The following RNF19B variants were observed in gnomAD, a reference collection of about 807,000 sequenced individuals.
RNF19B encodes E3 ubiquitin-protein ligase RNF19B.
In RNF19B, 23 loss-of-function variants were observed where a neutral mutation model predicts 65.5. The observed-to-expected ratio is 0.35, with a 90% CI of 0.25 to 0.50. RNF19B has a LOEUF of 0.50. RNF19B is among the 20% of genes least tolerant of loss of function. RNF19B has a pLI of 0.98. For missense variants in RNF19B, 794 were observed against 980.0 expected, an observed-to-expected ratio of 0.81 and a Z score of 2.53; for synonymous variants, 372 against 379.6, an observed-to-expected ratio of 0.98 and a Z score of 0.23.
chr1:32,945,715 G>T, intron 4 of RNF19B, 87 bp from the exon 5 acceptor site: 1 of 724,332 alleles, frequency 1.4e-6, no homozygotes, highest in Non-Finnish European at 2.4e-6. Context: ...ATATTCACTT[G>T]TAAGTTATCT....
Position 32,937,110 on chromosome 1 carries a change from T to G in RNF19B, c.1892A>C (p.Glu631Ala). 1 of 1,614,224 alleles carries G rather than the reference T, an allele frequency of 6.2e-7. No individual in the cohort carries two copies. Among genetic ancestry groups the G allele is most frequent in the East Asian group, 2.2e-5 (1 of 44,890 alleles). ...TTGGTGTCTGCAGGGGGGATCCTCT[T>G]CACTGCCTCCGCCACCACTACCTTC... ...EEEGSGGGGS[E>A]EDPPCRHQSC... Residue 631 changes from glutamate to alanine, a missense_variant, in exon 9 of 9, where the codon GAA becomes GCA. By Grantham distance (107) the Glu-to-Ala change is moderately radical. Transcript: ENST00000235150.
chr1:32,945,574 T>C lies in RNF19B; in HGVS notation c.1201A>G (p.Ile401Val), dbSNP rs200028105. Residue 401 changes from isoleucine to valine, a missense_variant, in exon 5 of 9, where the codon ATC (isoleucine) becomes GTC (valine). Physicochemically the swap from Ile to Val is conservative, Grantham distance 29 (BLOSUM62 3). Coordinates refer to ENST00000235150, the MANE Select transcript of RNF19B (RefSeq NM_001300826.2). ...ACCGACAAAGTCACTCCTCCAGTGA[T>C]AGCCAAATTCCTCTTGTGTTTGGAG... ...KTSKHKRNLAITGGVTLSVIA... is the reference protein window; with the variant it reads ...KTSKHKRNLAVTGGVTLSVIA... 216 of 1,614,034 alleles carry C rather than the reference T, an allele frequency of 1.3e-4. No homozygotes were observed. Among genetic ancestry groups the C allele is most frequent in the African/African-American group, 3.7e-4 (28 of 75,052 alleles).
At chr1:32,946,376 C>CA in intron 4 of RNF19B, 26 bp downstream of exon 4, 2 of 1,607,588 alleles carry the variant, frequency 1.2e-6, no homozygotes, top group Non-Finnish European at 1.7e-6. Context: ...TTGAAACAAG[C>CA]ACAGAAACCA....
At chr1:32,947,855 G>A (rs1642404340) in intron 3 of RNF19B, among the ~76,000 whole-genome samples, 1 of 152,052 alleles carries the variant, frequency 6.6e-6, no homozygotes, top group African/African-American at 2.4e-5. Context: ...GGAAAAAGGA[G>A]AGGCAACATG....
intron 1 of RNF19B, among the ~76,000 whole-genome samples, chr1:32,960,221 GTTA>G (rs1467018835): frequency 6.6e-6 from 1 of 152,122 alleles, no homozygotes; most frequent in Non-Finnish European, 1.5e-5. Flanking sequence ...TGGTGTTCTT[GTTA>G]TTATGAGTAA....
Position 32,964,167 on chromosome 1 carries a change from G to A in RNF19B, c.519C>T (p.His173=). 1.3e-6 allele frequency: 2 copies of A among 1,544,962 alleles called. No individual in the cohort carries two copies. The highest frequency in any genetic ancestry group is 1.7e-6 in the Non-Finnish European group (2 of 1,144,712). ...CPECSERLNP[H]DIRLLLADPP... ...GGTCGGCGAGCAGCAAGCGGATGTC[G>A]TGCGGGTTGAGTCGCTCGCTGCACT... is the stretch of plus-strand genomic sequence containing the variant. Residue 173 remains histidine, a synonymous_variant, in exon 1 of 9, where the codon CAC becomes CAT. Transcript: ENST00000235150. This position sits in a 1 kb window ranked among gnomAD's most constrained non-coding sequence, Gnocchi z 6.5.
At chr1:32,959,692 T>C (rs971947822) in intron 1 of RNF19B, among the ~76,000 whole-genome samples, 18 of 152,136 alleles carry the variant, frequency 1.2e-4, no homozygotes, top group South Asian at 4.1e-4. Flanking sequence ...TTTATCTCAT[T>C]TGACAGCTTG....
intron 6 of RNF19B, 136 bp downstream of exon 6, chr1:32,943,882 TA>T: frequency 2.3e-6 from 2 of 865,734 alleles, no homozygotes; most frequent in South Asian, 1.8e-5. Flanking sequence ...AATGAAAAGC[TA>T]AAAATACTTT....
At chr1:32,944,377 T>C (rs1642315271) in intron 5 of RNF19B, among the ~76,000 whole-genome samples, 2 of 152,228 alleles carry the variant, frequency 1.3e-5, no homozygotes, top group African/African-American at 2.4e-5. Context: ...TGTATAACCT[T>C]GGACCTATCT....
chr1:32,944,882 G>GT (rs1397568618), intron 5 of RNF19B, among the ~76,000 whole-genome samples: 2 of 152,008 alleles, frequency 1.3e-5, no homozygotes, highest in African/African-American at 4.8e-5. Context: ...TAGAGATGGG[G>GT]TTTCACCGTG....
chr1:32,961,261 C>A (rs1642763340), intron 1 of RNF19B, among the ~76,000 whole-genome samples: 1 of 152,194 alleles, frequency 6.6e-6, no homozygotes, highest in African/African-American at 2.4e-5. Flanking sequence ...ACTCTAGTAT[C>A]TTTGGCTTTC....
At position 32,944,175 on chromosome 1, in the gene RNF19B, GA is replaced by G. The variant is rs1557569514; in HGVS notation, c.1262-17del. ...ACACCAATACCTGGGGGAAGAGAAG[GA>G]AACATGTCAGCTGGCTATTAGGTTG... is the stretch of plus-strand genomic sequence containing the variant. On this transcript the variant is annotated splice_polypyrimidine_tract_variant and intron_variant, in intron 5 of 8. Coordinates refer to ENST00000235150, the MANE Select transcript of RNF19B (RefSeq NM_001300826.2). 3 of 1,603,626 alleles carry G rather than the reference GA, an allele frequency of 1.9e-6. No homozygotes were observed. In the Admixed American group the frequency reaches 5.2e-5, roughly 28 times the overall value.
chr1:32,936,111 CT>C (rs1400476705), downstream of RNF19B, among the ~76,000 whole-genome samples: 1 of 152,162 alleles, frequency 6.6e-6, no homozygotes, highest in Non-Finnish European at 1.5e-5. Flanking sequence ...AAGCATATGA[CT>C]ACTAGTGACT....
chr1:32,964,302 A>G lies in RNF19B; in HGVS notation c.384T>C (p.Pro128=). 2.0e-6 allele frequency: 3 copies of G among 1,517,966 alleles called. No individual in the cohort carries two copies. Among genetic ancestry groups the G allele is most frequent in the South Asian group, 1.2e-5 (1 of 81,522 alleles). The allele number at this position is 1,517,966 out of a possible 1,614,324, so 94.0% of individuals were successfully genotyped here. A position where few individuals can be genotyped will look rare whatever the true frequency, so the allele number is the denominator to read the frequency against. ...AGCTGAGGAGGCGCGGGGCCCGCTC[A>G]GGCGGCAGCCGCACCAGGCACAGCG... ...ECPLCLVRLP[P]ERAPRLLSCP... The change falls in exon 1 of 9, where the codon CCT becomes CCC. Residue 128 remains proline (P), a synonymous_variant. Coordinates refer to ENST00000235150, the MANE Select transcript of RNF19B (RefSeq NM_001300826.2). This position sits in a 1 kb window ranked among gnomAD's most constrained non-coding sequence, Gnocchi z 6.5.
At chr1:32,934,926 G>A (rs769385154), downstream of RNF19B, among the ~76,000 whole-genome samples, 69 of 152,002 alleles carry the variant, frequency 4.5e-4, no homozygotes, top group Non-Finnish European at 7.5e-4. Context: ...TCCGCCTCCC[G>A]AGTTCAAGTG....
At chr1:32,935,631 AGTGGTATACCT>A (rs1456296684), downstream of RNF19B, among the ~76,000 whole-genome samples, 2 of 152,238 alleles carry the variant, frequency 1.3e-5, no homozygotes, top group Admixed American at 1.3e-4. Flanking sequence ...CAGAACACGG[AGTGGTATACCT>A]GAGAACACAG....
intron 1 of RNF19B, among the ~76,000 whole-genome samples, chr1:32,951,029 G>A (rs1642483925): frequency 6.6e-6 from 1 of 151,972 alleles, no homozygotes; most frequent in African/African-American, 2.4e-5. Context: ...TGTAGAGATA[G>A]GGTTTCACCA....
At chr1:32,959,258 C>A (rs780818106) in intron 1 of RNF19B, among the ~76,000 whole-genome samples, 3 of 152,154 alleles carry the variant, frequency 2.0e-5, no homozygotes, top group Non-Finnish European at 2.9e-5. Flanking sequence ...TGGACCTGCA[C>A]AAAGAATTTA....
intron 1 of RNF19B, among the ~76,000 whole-genome samples, chr1:32,955,080 C>T (rs1642603224): frequency 1.3e-5 from 2 of 152,094 alleles, no homozygotes; most frequent in Non-Finnish European, 2.9e-5. Context: ...ATAACACTTA[C>T]ATTATAATGT....
Sources: allele counts gnomAD v4.1 joint callset (sites outside exome capture counted in the v4.1 genomes callset), GRCh38; gene constraint gnomAD v4.1.1; non-coding constraint Gnocchi (gnomAD v3.1); transcripts MANE v1.5; gene names NCBI Gene and HGNC (gene_info 2026-07-23, HGNC 2026-07-21).